ATP12A: variants seen among roughly 807,000 people sequenced by gnomAD.
ATP12A encodes the protein potassium-transporting ATPase alpha chain 2.
Under a neutral mutation model 111.2 loss-of-function variants are expected in ATP12A, and 81 were observed. The ratio of observed to expected loss-of-function variants is 0.73; its 90% CI spans 0.61 to 0.88. The LOEUF is 0.88. ATP12A is among the 40% of genes least tolerant of loss of function. ATP12A has a pLI of 0.00. For synonymous variants in ATP12A, 498 were observed against 499.8 expected (o/e 1.00, Z 0.05); for missense variants, 1,196 against 1,313.1 (o/e 0.91, Z 1.38).
At chr13:24,697,127 C>A (rs997512566) in intron 11 of ATP12A, among the ~76,000 whole-genome samples, 1 of 152,192 alleles carries the variant, frequency 6.6e-6, no homozygotes, top group African/African-American at 2.4e-5. Flanking sequence ...GCTCAGCCAC[C>A]AGATAGCCAC....
intron 17 of ATP12A, among the ~76,000 whole-genome samples, chr13:24,708,067 A>T (rs1204345257): frequency 6.6e-6 from 1 of 152,182 alleles, no homozygotes; most frequent in Non-Finnish European, 1.5e-5. Flanking sequence ...TGTCACTCAG[A>T]TTAATCACCC....
At chr13:24,699,326 G>T (rs1331170060) in intron 12 of ATP12A, among the ~76,000 whole-genome samples, 1 of 152,148 alleles carries the variant, frequency 6.6e-6, no homozygotes, top group Non-Finnish European at 1.5e-5. Flanking sequence ...GAGCACTGAG[G>T]GCTGTGCCAC....
chr13:24,700,462 G>A (rs112646879), intron 12 of ATP12A, among the ~76,000 whole-genome samples: 7 of 152,170 alleles, frequency 4.6e-5, no homozygotes, highest in South Asian at 4.2e-4. Context: ...TCTGTGCCCC[G>A]CTAAACTTCA....
intron 11 of ATP12A, 85 bp from the exon 12 acceptor site, chr13:24,698,573 C>T: frequency 2.1e-6 from 3 of 1,411,370 alleles, no homozygotes; most frequent in Non-Finnish European, 2.9e-6. Context: ...GTGCCTCTTC[C>T]TCCTTTACAT....
intron 11 of ATP12A, among the ~76,000 whole-genome samples, chr13:24,696,644 GGA>G (rs1875168657): frequency 1.0e-5 from 1 of 96,222 alleles, no homozygotes; most frequent in Non-Finnish European, 2.2e-5. Context: ...CCCGGGAAGC[GGA>G]GCTTGCAGTG....
At chr13:24,708,802 A>T (rs1430397482) in intron 17 of ATP12A, among the ~76,000 whole-genome samples, 1 of 151,668 alleles carries the variant, frequency 6.6e-6, no homozygotes, top group African/African-American at 2.4e-5. Context: ...ATTGTCTTTT[A>T]AAAAAGAGAA....
Position 24,692,768 on chromosome 13 carries a change from T to C in ATP12A, c.1268-19T>C. 1 of 1,612,630 alleles carries C rather than the reference T, an allele frequency of 6.2e-7. No individual in the cohort carries two copies. Among genetic ancestry groups the C allele is most frequent in the South Asian group, 1.1e-5 (1 of 91,016 alleles). On this transcript the variant is annotated intron_variant, in intron 9 of 22. Coordinates refer to ENST00000381946, the MANE Select transcript of ATP12A (RefSeq NM_001676.7). Reference sequence around the variant, plus strand: ...CCAGCCCAACCCACAGCAGCCACTGTTCTTTCTCTGTCTTCCAGACCAAGT... The same window carrying C: ...CCAGCCCAACCCACAGCAGCCACTGCTCTTTCTCTGTCTTCCAGACCAAGT...
Position 24,700,933 on chromosome 13 carries a change from T to C in ATP12A, c.1881+11T>C. 1 of 1,610,732 alleles carries C rather than the reference T, an allele frequency of 6.2e-7. No individual in the cohort carries two copies. Among genetic ancestry groups the C allele is most frequent in the Non-Finnish European group, 8.5e-7 (1 of 1,177,856 alleles). On this transcript the variant is annotated intron_variant, in intron 13 of 22. Coordinates refer to ENST00000381946, the MANE Select transcript of ATP12A (RefSeq NM_001676.7). Reference sequence around the variant, plus strand: ...AGTGCAGGGATCAAGGTGGGAGTTATTTTCCTGACTCAAGAAGTTCTTTCT... The same window carrying C: ...AGTGCAGGGATCAAGGTGGGAGTTACTTTCCTGACTCAAGAAGTTCTTTCT...
chr13:24,683,074 G>A (rs1055793107), intron 2 of ATP12A, among the ~76,000 whole-genome samples: 5 of 151,032 alleles, frequency 3.3e-5, no homozygotes, highest in African/African-American at 7.3e-5. Context: ...CTCTTGCCTC[G>A]GCCTCCCGAG....
At chr13:24,694,388 G>A in intron 10 of ATP12A, 56 bp from the exon 11 acceptor site, 1 of 1,606,310 alleles carries the variant, frequency 6.2e-7, no homozygotes, top group Non-Finnish European at 8.5e-7. Context: ...CCTATGCTGA[G>A]GGCATGTTGG....
chr13:24,709,832 A>G lies in ATP12A; in HGVS notation c.2763+4A>G. On this transcript the variant is annotated splice_donor_region_variant and intron_variant, in intron 19 of 22. Coordinates refer to ENST00000381946, the MANE Select transcript of ATP12A (RefSeq NM_001676.7). ...AGACAGCTATGGGCAGGAATGGGTG[A>G]GTGGCGGGAGCCCTGCTGCAGAGTC... 6.2e-7 allele frequency: 1 copy of G among 1,613,820 alleles called. No homozygotes were observed. The highest frequency in any genetic ancestry group is 8.5e-7 in the Non-Finnish European group (1 of 1,179,782).
Position 24,711,875 on chromosome 13 carries a change from G to A in ATP12A, c.*353G>A. On this transcript the variant is annotated 3_prime_UTR_variant, in exon 23 of 23. Transcript: ENST00000381946. ...TGGGGCCTGCCTTAAGCTCTAGCTA[G>A]GATTGCTCAGAACTCCTTTCCACAC... The A allele has an allele frequency of 9.1e-6, 3 of 331,370 alleles. No individual in the cohort carries two copies. Among genetic ancestry groups the A allele is most frequent in the South Asian group, 3.1e-5 (1 of 31,858 alleles). The allele number at this position is 331,370 out of a possible 1,614,324, so 20.5% of individuals were successfully genotyped here.
chr13:24,707,548 T>G (rs756781858), intron 17 of ATP12A, 115 bp downstream of exon 17: 150 of 1,357,416 alleles, frequency 1.1e-4, no homozygotes, highest in Non-Finnish European at 1.5e-4. Context: ...AGCTTCCATG[T>G]GATGGGGCCT....
In ATP12A at chr13:24,711,327, C is replaced by T. The variant is rs748110297; in HGVS notation, c.3009C>T (p.Tyr1003=). The T allele has an allele frequency of 2.4e-5, 38 of 1,600,728 alleles. No homozygotes were observed. The highest frequency in any genetic ancestry group is 3.2e-5 in the Non-Finnish European group (37 of 1,172,764). ...ATCCCTTTGCTTCCAGGGCTCAGTA[C>T]TGGTTTGTGGCTGTGCCGCACGCCA... ...ALSFTMLRAQ[Y]WFVAVPHAIL... Residue 1003 remains tyrosine, a synonymous_variant, in exon 22 of 23, where the codon TAC becomes TAT. Coordinates refer to ENST00000381946, the MANE Select transcript of ATP12A (RefSeq NM_001676.7).
intron 10 of ATP12A, 25 bp from the exon 11 acceptor site, chr13:24,694,419 A>G (rs1356140102): frequency 1.9e-6 from 3 of 1,611,676 alleles, no homozygotes; most frequent in African/African-American, 1.3e-5. Context: ...ATGTGCTGCA[A>G]ATATTTTTCT....
rs147624003 is a variant in ATP12A at position 24,690,724 on chromosome 13, A to G, written c.799+3A>G. ...CTATTCCACAACGTGTCTGGAAGGT[A>G]AAAGGCCTCTGGCTCTCAGCCCACA... On this transcript the variant is annotated splice_donor_region_variant and intron_variant, in intron 7 of 22. Coordinates refer to ENST00000381946, the MANE Select transcript of ATP12A (RefSeq NM_001676.7). The G allele has an allele frequency of 6.2e-7, 1 of 1,610,650 alleles. No individual in the cohort carries two copies. The highest frequency in any genetic ancestry group is 8.5e-7 in the Non-Finnish European group (1 of 1,177,936).
chr13:24,692,581 G>A lies in ATP12A; in HGVS notation c.1221G>A (p.Trp407Ter), dbSNP rs377117336. The change falls in exon 9 of 23, where the codon TGG becomes TGA. Residue 407 changes from tryptophan (W) to a stop codon, truncating the protein, a stop_gained. Coordinates refer to ENST00000381946, the MANE Select transcript of ATP12A (RefSeq NM_001676.7). LOFTEE classifies it high-confidence loss of function. Reference sequence around the variant, plus strand: ...ACAGGATGACAGTGGCCCATCTGTGGTTCGACAATCAGATCTTTGTGGCTG... The same window carrying A: ...ACAGGATGACAGTGGCCCATCTGTGATTCGACAATCAGATCTTTGTGGCTG... ...TQNRMTVAHL[W>*]FDNQIFVADT... 5 of 1,613,982 alleles carry A rather than the reference G, an allele frequency of 3.1e-6. No homozygotes were observed. Among genetic ancestry groups the A allele is most frequent in the African/African-American group, 1.3e-5 (1 of 74,934 alleles).
intron 14 of ATP12A, among the ~76,000 whole-genome samples, chr13:24,702,315 T>C (rs894730548): frequency 3.3e-5 from 5 of 152,230 alleles, no homozygotes; most frequent in Non-Finnish European, 7.3e-5. Flanking sequence ...AATTTCAAAA[T>C]CCAGTGTGCC....
chr13:24,686,474 C>G (rs1874670465), intron 3 of ATP12A, among the ~76,000 whole-genome samples: 1 of 148,884 alleles, frequency 6.7e-6, no homozygotes. Context: ...GGCGTGGTGG[C>G]TCACGCCTGT....
Sources: gnomAD v4.1 joint callset for allele counts (sites outside exome capture counted in the v4.1 genomes callset) on GRCh38, gnomAD v4.1.1 for gene constraint, MANE v1.5 for transcripts, NCBI Gene and HGNC (gene_info 2026-07-23, HGNC 2026-07-21) for gene names.